MANBA: variants seen among roughly 807,000 people sequenced by gnomAD.
The protein encoded by MANBA is mannosidase beta.
Under a neutral mutation model 111.1 loss-of-function variants are expected in MANBA, and 83 were observed. The ratio of observed to expected loss-of-function variants is 0.75; its 90% CI spans 0.63 to 0.90. The LOEUF (loss-of-function observed/expected upper bound fraction) is 0.90, where lower values mean the gene tolerates loss of function less well. MANBA is among the 40% of genes least tolerant of loss of function. The pLI is 0.00. For synonymous variants in MANBA, 370 were observed against 378.7 expected, an observed-to-expected ratio of 0.98 and a Z score of 0.27; for missense variants, 1,036 against 1,069.0, an observed-to-expected ratio of 0.97 and a Z score of 0.43.
chr4:102,733,140 C>T (rs903131804), intron 1 of MANBA, among the ~76,000 whole-genome samples: 1 of 152,186 alleles, frequency 6.6e-6, no homozygotes, highest in Non-Finnish European at 1.5e-5. Context: ...ATATGTCATT[C>T]TGGATGTTAA....
chr4:102,650,697 G>A lies in MANBA; in HGVS notation c.1709C>T (p.Ser570Leu), dbSNP rs542071291. 4.4e-5 allele frequency: 71 copies of A among 1,611,272 alleles called. No homozygotes were observed. In the East Asian group the frequency reaches 4.7e-4, roughly 11 times the overall value. The change falls in exon 13 of 17, where the codon TCG (serine) becomes TTG (leucine). Residue 570 changes from serine (S) to leucine (L), a missense_variant. Coordinates refer to ENST00000647097, the MANE Select transcript of MANBA (RefSeq NM_005908.4). ...WPSFSTLEKV[S>L]STEDWSFNSK... ...ATTGAAAGACCAGTCCTCTGTAGAC[G>A]AGACCTTTCAAATAAAGAATAAGAA... is the stretch of plus-strand genomic sequence containing the variant.
intron 3 of MANBA, 28 bp from the exon 4 acceptor site, chr4:102,723,069 C>T (rs763147805): frequency 6.2e-7 from 1 of 1,601,552 alleles, no homozygotes; most frequent in Non-Finnish European, 8.5e-7. Flanking sequence ...ATCAGACAAA[C>T]CCATGATGTG....
chr4:102,717,843 T>C (rs1458900351), intron 4 of MANBA, among the ~76,000 whole-genome samples: 3 of 152,166 alleles, frequency 2.0e-5, no homozygotes, highest in Non-Finnish European at 2.9e-5. Flanking sequence ...CTAAGACCCA[T>C]GGACACTGGC....
chr4:102,657,773 C>T lies in MANBA; in HGVS notation c.1613G>A (p.Ser538Asn), dbSNP rs1391972394. The T allele has an allele frequency of 5.0e-6, 8 of 1,613,650 alleles. No homozygotes were observed. Among genetic ancestry groups the T allele is most frequent in the African/African-American group, 2.7e-5 (2 of 74,896 alleles). The change falls in exon 12 of 17, where the codon AGT becomes AAT. Residue 538 changes from serine (S) to asparagine (N), a missense_variant. Transcript: ENST00000647097. ...GAAAACTTTCCAGTTCCAGCAATCACTGATATAGTCATAAAAATGTACATC... is the reference window on the plus strand; with the variant it reads ...GAAAACTTTCCAGTTCCAGCAATCATTGATATAGTCATAAAAATGTACATC... ...FGDVHFYDYI[S>N]DCWNWKVFPK...
Position 102,729,497 on chromosome 4 carries a change from G to C in MANBA, c.178-2814C>G, listed in dbSNP as rs558663620. ...TCCTGGATCTCCTCTTCATACAGCT[G>C]CTTGAGGAAATTGATCTCGTCAGTC... On this transcript the variant is annotated intron_variant, in intron 1 of 16. Transcript: ENST00000647097. 1,209 of 1,009,578 alleles carry C rather than the reference G, an allele frequency of 1.2e-3. 20 individuals carry two copies. The South Asian group carries it at 0.015, about 13-fold the overall frequency. 62.5% of individuals were successfully genotyped at this position (1,009,578 alleles called of 1,614,324 possible).
chr4:102,718,098 T>C (rs546059170), intron 4 of MANBA, among the ~76,000 whole-genome samples: 1 of 152,272 alleles, frequency 6.6e-6, no homozygotes, highest in East Asian at 1.9e-4. Context: ...ATTCACATCA[T>C]CAAGAGGACT....
chr4:102,639,415 T>TA (rs1228228149), intron 14 of MANBA, among the ~76,000 whole-genome samples: 1 of 152,240 alleles, frequency 6.6e-6, no homozygotes, highest in Non-Finnish European at 1.5e-5. Flanking sequence ...TTCAAAATTC[T>TA]ATGCGTAATA....
At chr4:102,632,315 G>A (rs1453025003) in intron 16 of MANBA, 34 bp from the exon 17 acceptor site, 2 of 1,473,544 alleles carry the variant, frequency 1.4e-6, no homozygotes, top group African/African-American at 1.4e-5. Context: ...ATGAAGTGAA[G>A]GATGAGGGAA....
intron 12 of MANBA, among the ~76,000 whole-genome samples, chr4:102,654,316 C>T (rs752792943): frequency 8.5e-5 from 13 of 152,124 alleles, no homozygotes; most frequent in African/African-American, 1.2e-4. Flanking sequence ...AATTAAAAAA[C>T]GGGGTATGGA....
Position 102,722,904 on chromosome 4 carries a change from C to G in MANBA, c.516G>C (p.Gln172His). ...CAAAGTTGACATGGCATTCACCCTT[C>G]TGCACAAGTGGAGGGCAGTCTGGGG... ...QVPPDCPPLV[Q>H]KGECHVNFVR... is the part of the protein sequence containing the mutation. Residue 172 changes from glutamine (Q) to histidine (H), a missense_variant, in exon 4 of 17, where the codon CAG becomes CAC. Physicochemically the swap from Gln to His is conservative, Grantham distance 24. Coordinates refer to ENST00000647097, the MANE Select transcript of MANBA (RefSeq NM_005908.4). The G allele has an allele frequency of 6.2e-7, 1 of 1,614,200 alleles. No homozygotes were observed. Among genetic ancestry groups the G allele is most frequent in the Non-Finnish European group, 8.5e-7 (1 of 1,180,014 alleles).
rs1195425292 is a variant in MANBA at position 102,760,864 on chromosome 4, G to A, written c.31C>T (p.Leu11=). 6.4e-7 allele frequency: 1 copy of A among 1,571,760 alleles called. No homozygotes were observed. Among genetic ancestry groups the A allele is most frequent in the Admixed American group, 1.8e-5 (1 of 54,624 alleles). MRLHLLLLLA[L]CGAGTTAAEL... is the part of the protein sequence containing the mutation. ...GCGGCGGTGGTGCCTGCACCGCACAGCGCGAGCAGCAGGAGCAGGTGGAGG... is the reference window on the plus strand; with the variant it reads ...GCGGCGGTGGTGCCTGCACCGCACAACGCGAGCAGCAGGAGCAGGTGGAGG... Residue 11 remains leucine, a synonymous_variant, in exon 1 of 17, where the codon CTG becomes TTG. Transcript: ENST00000647097.
intron 5 of MANBA, among the ~76,000 whole-genome samples, chr4:102,712,464 C>A (rs899722643): frequency 2.6e-5 from 4 of 151,670 alleles, no homozygotes; most frequent in Non-Finnish European, 5.9e-5. Context: ...ATTTTGCAGA[C>A]CACCCAAAAT....
chr4:102,690,523 C>A, intron 6 of MANBA, 73 bp downstream of exon 6: 1 of 1,421,340 alleles, frequency 7.0e-7, no homozygotes, highest in South Asian at 1.2e-5. Context: ...TACTTAGTCC[C>A]TCCTTTCTAA....
chr4:102,638,389 G>A (rs763859724), intron 14 of MANBA, among the ~76,000 whole-genome samples: 1 of 152,082 alleles, frequency 6.6e-6, no homozygotes, highest in Non-Finnish European at 1.5e-5. Context: ...TTGCACCACT[G>A]CACTCCAGCC....
intron 1 of MANBA, chr4:102,728,839 G>T: frequency 1.1e-6 from 1 of 894,080 alleles, no homozygotes; most frequent in Non-Finnish European, 1.8e-6. Flanking sequence ...TGCTGGTGCG[G>T]CTGAAGGAGC....
intron 12 of MANBA, among the ~76,000 whole-genome samples, chr4:102,654,088 A>G (rs1730455795): frequency 1.3e-5 from 2 of 152,156 alleles, no homozygotes; most frequent in Non-Finnish European, 2.9e-5. Context: ...CAGTACTTTG[A>G]TTTCCCCCTG....
At chr4:102,758,579 T>A (rs1724113108) in intron 1 of MANBA, among the ~76,000 whole-genome samples, 1 of 150,422 alleles carries the variant, frequency 6.6e-6, no homozygotes, top group South Asian at 2.1e-4. Context: ...AGAGAGGGTG[T>A]CACTCTGTTG....
At position 102,671,282 on chromosome 4, in the gene MANBA, A is replaced by T. The variant is rs1458935144; in HGVS notation, c.1229T>A (p.Met410Lys). The change falls in exon 9 of 17, where the codon ATG (methionine) becomes AAG (lysine). Residue 410 changes from methionine (M) to lysine (K), a missense_variant and splice_region_variant. Coordinates refer to ENST00000647097, the MANE Select transcript of MANBA (RefSeq NM_005908.4). ...TATAAAATGCTATCAACTTCTCACCATTATTCCTAGTTCATCACAGAGTTC... is the reference window on the plus strand; with the variant it reads ...TATAAAATGCTATCAACTTCTCACCTTTATTCCTAGTTCATCACAGAGTTC... ...FYELCDELGI[M>K]VWQDFMFACA... 6.5e-7 allele frequency: 1 copy of T among 1,537,572 alleles called. No individual in the cohort carries two copies. Among genetic ancestry groups the T allele is most frequent in the Non-Finnish European group, 9.0e-7 (1 of 1,110,460 alleles).
chr4:102,706,646 T>C (rs1560786961), intron 5 of MANBA, among the ~76,000 whole-genome samples: 2 of 150,236 alleles, frequency 1.3e-5, no homozygotes, highest in Non-Finnish European at 1.5e-5. Context: ...GAATTCAAAA[T>C]AAGGAAATTA....
Sources: gnomAD v4.1 joint callset for allele counts (sites outside exome capture counted in the v4.1 genomes callset) on GRCh38, gnomAD v4.1.1 for gene constraint, MANE v1.5 for transcripts, NCBI Gene and HGNC (gene_info 2026-07-23, HGNC 2026-07-21) for gene names.